The following ARID1B variants were observed in gnomAD, a reference collection of about 807,000 sequenced individuals.
The protein encoded by ARID1B is AT-rich interactive domain-containing protein 1B.
ARID1B carries 30 observed loss-of-function variants against 212.3 expected under a neutral mutation model. The ratio of observed to expected loss-of-function variants is 0.14; its 90% confidence interval spans 0.11 to 0.19. The LOEUF is 0.19. ARID1B is among the 10% of genes least tolerant of loss of function. The pLI, the probability that ARID1B is intolerant of heterozygous loss-of-function variation, is 1.00. For synonymous variants in ARID1B, 1,402 were observed against 1,301.7 expected (o/e 1.08, Z -1.66); for missense variants, 2,891 against 3,204.0 (o/e 0.90, Z 2.36).
chr6:157,078,304 C>T (rs1353953646), intron 4 of ARID1B, among the ~76,000 whole-genome samples: 1 of 152,114 alleles, frequency 6.6e-6, no homozygotes. Flanking sequence ...ATTTCTGAGG[C>T]TGGTCCTGGG....
At chr6:156,957,380 G>C (rs1315216005) in intron 4 of ARID1B, among the ~76,000 whole-genome samples, 1 of 152,188 alleles carries the variant, frequency 6.6e-6, no homozygotes, top group East Asian at 1.9e-4. Context: ...ACCAGTACCA[G>C]GGTCAGCTTC....
chr6:156,804,406 G>T (rs1016918696), intron 1 of ARID1B, among the ~76,000 whole-genome samples: 2 of 151,716 alleles, frequency 1.3e-5, no homozygotes. Flanking sequence ...AGATCATAAA[G>T]AGAGCTTTAT....
chr6:156,884,151 A>T (rs1787322543), intron 2 of ARID1B, among the ~76,000 whole-genome samples: 2 of 152,214 alleles, frequency 1.3e-5, no homozygotes, highest in South Asian at 2.1e-4. Flanking sequence ...GAAGATACAA[A>T]TGTAGCACAT....
intron 1 of ARID1B, among the ~76,000 whole-genome samples, chr6:156,824,777 A>G (rs1263908035): frequency 6.6e-6 from 1 of 152,208 alleles, no homozygotes; most frequent in African/African-American, 2.4e-5. Context: ...AAAACAAAAC[A>G]AAACAAAAAA....
chr6:157,182,510 C>T (rs142552484), intron 12 of ARID1B, among the ~76,000 whole-genome samples: 426 of 152,284 alleles, frequency 2.8e-3, no homozygotes, highest in African/African-American at 9.6e-3. Context: ...AGGCGCCCTG[C>T]GCCCCACCAA....
intron 3 of ARID1B, among the ~76,000 whole-genome samples, chr6:156,920,854 T>C (rs984671638): frequency 4.0e-5 from 6 of 151,470 alleles, no homozygotes; most frequent in Non-Finnish European, 7.4e-5. Flanking sequence ...TCTTGTTCTT[T>C]TCTTTTCTTT....
intron 8 of ARID1B, among the ~76,000 whole-genome samples, chr6:157,153,879 A>G (rs564772205): frequency 2.6e-5 from 4 of 152,254 alleles, no homozygotes; most frequent in East Asian, 1.9e-4. Context: ...GCCTCAAGCA[A>G]TCCTCTCTTC....
At chr6:157,119,012 C>A (rs1024234711) in intron 6 of ARID1B, among the ~76,000 whole-genome samples, 1 of 152,186 alleles carries the variant, frequency 6.6e-6, no homozygotes, top group Non-Finnish European at 1.5e-5. Flanking sequence ...TTTATAACAA[C>A]ACTTTTTCCT....
intron 2 of ARID1B, 178 bp downstream of exon 2, chr6:156,829,599 G>A: frequency 1.4e-6 from 1 of 716,814 alleles, no homozygotes; most frequent in Non-Finnish European, 2.2e-6. Flanking sequence ...AGATGGAAAG[G>A]TGAGCTTCTT....
At chr6:157,085,340 T>C (rs1314362275) in intron 5 of ARID1B, among the ~76,000 whole-genome samples, 2 of 152,194 alleles carry the variant, frequency 1.3e-5, no homozygotes, top group Non-Finnish European at 2.9e-5. Flanking sequence ...TCTATACTTA[T>C]CAGTGTCTGA....
At chr6:156,935,364 G>C (rs539555339) in intron 3 of ARID1B, 102 bp from the exon 4 acceptor site, 1 of 971,290 alleles carries the variant, frequency 1.0e-6, no homozygotes, top group Non-Finnish European at 1.6e-6. Context: ...ACAGGCATGA[G>C]CCACTGTGCC....
chr6:157,149,467 CTTATG>C (rs546582562), intron 8 of ARID1B: 87 of 153,034 alleles, frequency 5.7e-4, no homozygotes, highest in Non-Finnish European at 9.2e-4. Context: ...ACTTGACATT[CTTATG>C]TTATATTTTA....
At chr6:157,051,523 A>AT (rs1291358409) in intron 4 of ARID1B, among the ~76,000 whole-genome samples, 1 of 152,198 alleles carries the variant, frequency 6.6e-6, no homozygotes, top group Non-Finnish European at 1.5e-5. Flanking sequence ...ACTATTTGTA[A>AT]TCTGTAACCT....
intron 8 of ARID1B, chr6:157,166,697 G>A (rs1191212747): frequency 5.6e-6 from 1 of 179,204 alleles, no homozygotes; most frequent in Non-Finnish European, 1.2e-5. Flanking sequence ...TTAATAGTCA[G>A]AAGTTAATTT....
At chr6:156,838,864 G>C (rs1041076362) in intron 2 of ARID1B, among the ~76,000 whole-genome samples, 4 of 152,074 alleles carry the variant, frequency 2.6e-5, no homozygotes, top group African/African-American at 9.7e-5. Context: ...TGTGACCTCA[G>C]ATACTCTCTT....
chr6:157,116,806 G>A (rs1213801635), intron 6 of ARID1B, among the ~76,000 whole-genome samples: 4 of 152,046 alleles, frequency 2.6e-5, no homozygotes. Context: ...CCTACACAAG[G>A]ACTGGCTTTT....
At chr6:157,075,081 A>G (rs1203872849) in intron 4 of ARID1B, among the ~76,000 whole-genome samples, 1 of 152,204 alleles carries the variant, frequency 6.6e-6, no homozygotes, top group African/African-American at 2.4e-5. Context: ...ATGCTCTTGG[A>G]AAAAATTATT....
chr6:157,089,227 C>T (rs748346322), intron 5 of ARID1B, among the ~76,000 whole-genome samples: 6 of 152,184 alleles, frequency 3.9e-5, no homozygotes, highest in Admixed American at 2.0e-4. Flanking sequence ...TCCATCTCTA[C>T]CCTGGTAAAT....
chr6:157,073,417 C>T (rs1454319414), intron 4 of ARID1B, among the ~76,000 whole-genome samples: 1 of 152,098 alleles, frequency 6.6e-6, no homozygotes, highest in African/African-American at 2.4e-5. Context: ...TGCACCCCAT[C>T]TTTTAAGTGA....
Sources: allele counts gnomAD v4.1 joint callset (sites outside exome capture counted in the v4.1 genomes callset), GRCh38; gene constraint gnomAD v4.1.1; transcripts MANE v1.5; gene names NCBI Gene and HGNC (gene_info 2026-07-23, HGNC 2026-07-21).